The following LRRK2 variants were observed in gnomAD, a reference collection of about 807,000 sequenced individuals.
The protein encoded by LRRK2 is leucine-rich repeat serine/threonine-protein kinase 2.
Under a neutral mutation model 302.6 loss-of-function variants are expected in LRRK2, and 203 were observed. The ratio of observed to expected loss-of-function variants is 0.67; its 90% CI spans 0.60 to 0.75. The LOEUF (loss-of-function observed/expected upper bound fraction) is 0.75, where lower values mean the gene tolerates loss of function less well. LRRK2 is among the 30% of genes least tolerant of loss of function. The probability of loss-of-function intolerance (pLI) is 0.00; values close to 1 mark genes in which losing one functional copy is unlikely to be tolerated. For missense variants in LRRK2, 2,830 were observed against 2,951.0 expected (o/e 0.96, Z 0.95); for synonymous variants, 1,066 against 1,031.9 (o/e 1.03, Z -0.63).
chr12:40,324,981 C>T (rs905257100), intron 38 of LRRK2, among the ~76,000 whole-genome samples: 4 of 152,148 alleles, frequency 2.6e-5, no homozygotes, highest in East Asian at 1.9e-4. Flanking sequence ...TATGTGGAAA[C>T]GTCATTTACA....
intron 39 of LRRK2, among the ~76,000 whole-genome samples, chr12:40,330,556 T>A (rs1945683732): frequency 6.6e-6 from 1 of 152,186 alleles, no homozygotes; most frequent in African/African-American, 2.4e-5. Context: ...TGTGAAAAAT[T>A]GTCTTCTGTG....
chr12:40,341,968 T>A (rs966273700), intron 41 of LRRK2, among the ~76,000 whole-genome samples: 4 of 152,218 alleles, frequency 2.6e-5, no homozygotes, highest in African/African-American at 9.6e-5. Flanking sequence ...TATTTCCACC[T>A]GGAAAAAGTG....
At chr12:40,303,843 T>C in intron 26 of LRRK2, 105 bp from the exon 27 acceptor site, 1 of 1,070,670 alleles carries the variant, frequency 9.3e-7, no homozygotes, top group East Asian at 2.5e-5. Flanking sequence ...ATGCTAGTTT[T>C]GACGTTACAC....
rs772637229 is a variant in LRRK2 at position 40,309,121 on chromosome 12, A to G, written c.4205A>G (p.Tyr1402Cys). ...CTTTATTTAGGTCGTGAGGAATTCT[A>G]TAGTACTCATCCCCATTTTATGACG... Reference protein sequence around the residue: ...VWDFAGREEFYSTHPHFMTQR... With the variant: ...VWDFAGREEFCSTHPHFMTQR... Residue 1402 changes from tyrosine to cysteine, a missense_variant, in exon 30 of 51, where the codon TAT (tyrosine) becomes TGT (cysteine). Coordinates refer to ENST00000298910, the MANE Select transcript of LRRK2 (RefSeq NM_198578.4). 6 of 1,613,820 alleles carry G rather than the reference A, an allele frequency of 3.7e-6. No homozygotes were observed. The highest frequency in any genetic ancestry group is 2.7e-5 in the African/African-American group (2 of 75,012).
At position 40,257,246 on chromosome 12, in the gene LRRK2, A is replaced by G; in HGVS notation, c.1289-2A>G. Reference sequence around the variant, plus strand: ...TATAAGTAACATTTTAAAAAATCTCAGTTAATTTCAGAAAAATACTGTTAT... The same window carrying G: ...TATAAGTAACATTTTAAAAAATCTCGGTTAATTTCAGAAAAATACTGTTAT... On this transcript the variant is annotated splice_acceptor_variant, in intron 11 of 50. Transcript: ENST00000298910. LOFTEE classifies it high-confidence loss of function. 1 of 1,544,450 alleles carries G rather than the reference A, an allele frequency of 6.5e-7. No individual in the cohort carries two copies. Among genetic ancestry groups the G allele is most frequent in the Non-Finnish European group, 8.9e-7 (1 of 1,117,528 alleles).
At chr12:40,289,938 A>G (rs1250061666) in intron 20 of LRRK2, among the ~76,000 whole-genome samples, 2 of 151,204 alleles carry the variant, frequency 1.3e-5, no homozygotes, top group Non-Finnish European at 3.0e-5. Context: ...TTCTTGTCCT[A>G]TTGCACTGGC....
intron 49 of LRRK2, 139 bp from the exon 50 acceptor site, chr12:40,366,867 G>C: frequency 1.6e-6 from 1 of 627,580 alleles, no homozygotes; most frequent in Admixed American, 2.8e-5. Flanking sequence ...CAATATAATT[G>C]AAGGGTCACC....
At position 40,322,351 on chromosome 12, in the gene LRRK2, A is replaced by G; in HGVS notation, c.5350A>G (p.Ile1784Val). ...CILLGQVVDH[I>V]DSLMEEWFPG... ...TCTTTTGGGCCAAGTTGTGGACCAC[A>G]TTGATTCTCTCATGGAAGAATGGTT... Residue 1784 changes from isoleucine (I) to valine (V), a missense_variant, in exon 37 of 51, where the codon ATT (isoleucine) becomes GTT (valine). Transcript: ENST00000298910. 2 of 1,613,686 alleles carry G rather than the reference A, an allele frequency of 1.2e-6. No individual in the cohort carries two copies. The highest frequency in any genetic ancestry group is 1.7e-6 in the Non-Finnish European group (2 of 1,179,680).
chr12:40,282,126 TCC>T lies in LRRK2; in HGVS notation c.2242-1746_2242-1745del, dbSNP rs1565709537. Reference sequence around the variant, plus strand: ...TCCCCTTCTCTTCCCTCCCCTCCCCTCCCCTCCCCTCCCCTCCCTTCTCCTTT... The same window carrying T: ...TCCCCTTCTCTTCCCTCCCCTCCCCTCCTCCCCTCCCCTCCCTTCTCCTTT... On this transcript the variant is annotated intron_variant, in intron 18 of 50. Coordinates refer to ENST00000298910, the MANE Select transcript of LRRK2 (RefSeq NM_198578.4). Among the ~76,000 whole-genome samples the T allele has an allele frequency of 4.4e-5, 3 of 68,898 alleles. No individual in the cohort carries two copies. In the East Asian group the frequency reaches 2.0e-3, roughly 45 times the overall value. 45.2% of individuals were successfully genotyped at this position (68,898 alleles called of 152,430 possible).
chr12:40,291,004 A>G lies in LRRK2; in HGVS notation c.2690-2541A>G, dbSNP rs1345669360. Among the ~76,000 whole-genome samples, 4 of 152,074 alleles carry G rather than the reference A, an allele frequency of 2.6e-5. No homozygotes were observed. In the South Asian group the frequency reaches 6.2e-4, roughly 24 times the overall value. On this transcript the variant is annotated intron_variant, in intron 20 of 50. Coordinates refer to ENST00000298910, the MANE Select transcript of LRRK2 (RefSeq NM_198578.4). Reference sequence around the variant, plus strand: ...CAATATTTTGATGTGTCCTCTTTCTATTCATTTAAAAAAATTTAATTTCCC... The same window carrying G: ...CAATATTTTGATGTGTCCTCTTTCTGTTCATTTAAAAAAATTTAATTTCCC...
chr12:40,257,415 A>G (rs1403827063), intron 12 of LRRK2, 38 bp downstream of exon 12: 6 of 1,590,832 alleles, frequency 3.8e-6, no homozygotes, highest in East Asian at 2.2e-5. Context: ...AATATATCAT[A>G]TTGGGCCAGG....
intron 33 of LRRK2, among the ~76,000 whole-genome samples, chr12:40,318,335 C>A (rs1362895246): frequency 6.6e-6 from 1 of 151,910 alleles, no homozygotes; most frequent in Non-Finnish European, 1.5e-5. Context: ...CGCTATAGAT[C>A]CACTAGGAAA....
chr12:40,274,954 C>T lies in LRRK2; in HGVS notation c.1902C>T (p.Ser634=), dbSNP rs1555180162. 5 of 1,613,972 alleles carry T rather than the reference C, an allele frequency of 3.1e-6. No homozygotes were observed. Among genetic ancestry groups the T allele is most frequent in the Non-Finnish European group, 3.4e-6 (4 of 1,179,930 alleles). The change falls in exon 16 of 51, where the codon AGC becomes AGT. Residue 634 remains serine (S), a synonymous_variant. Transcript: ENST00000298910. ...GHLLAKILVS[S]LYRFKDVAEI... is the part of the protein sequence containing the mutation. ...TGCTGGCAAAAATTCTGGTTTCCAG[C>T]TTATACCGATTTAAGGATGTTGCTG...
Position 40,304,136 on chromosome 12 carries a change from T to C in LRRK2, c.3777+2T>C. 1 of 1,611,652 alleles carries C rather than the reference T, an allele frequency of 6.2e-7. No homozygotes were observed. The highest frequency in any genetic ancestry group is 1.1e-5 in the South Asian group (1 of 90,866). ...CTTTCTCACAATAAACTGAAAGAGG[T>C]AAGACGATTATTGCCACTTAAAAAA... On this transcript the variant is annotated splice_donor_variant, in intron 27 of 50. Transcript: ENST00000298910. LOFTEE classifies it high-confidence loss of function.
intron 41 of LRRK2, among the ~76,000 whole-genome samples, chr12:40,341,126 A>G (rs1022274482): frequency 6.6e-6 from 1 of 152,160 alleles, no homozygotes; most frequent in African/African-American, 2.4e-5. Flanking sequence ...CTGTACAGAC[A>G]TGTTGTCTCA....
chr12:40,346,967 T>C (rs1401729824), intron 42 of LRRK2, 44 bp downstream of exon 42: 1 of 1,492,604 alleles, frequency 6.7e-7, no homozygotes, highest in Non-Finnish European at 9.2e-7. Flanking sequence ...TTTCTTAATA[T>C]CAGCAGCTTC....
chr12:40,284,071 T>C lies in LRRK2; in HGVS notation c.2438T>C (p.Val813Ala). The C allele has an allele frequency of 6.2e-7, 1 of 1,613,496 alleles. No homozygotes were observed. ...CTTGGAGGATTTTGTATAGGAAAAGTTGAACCTTCTTGGCTTGGTCCTTTA... is the reference window on the plus strand; with the variant it reads ...CTTGGAGGATTTTGTATAGGAAAAGCTGAACCTTCTTGGCTTGGTCCTTTA... ...ICLGGFCIGK[V>A]EPSWLGPLFP... The change falls in exon 19 of 51, where the codon GTT becomes GCT. Residue 813 changes from valine (V) to alanine (A), a missense_variant. Physicochemically the swap from Val to Ala is moderately conservative, Grantham distance 64 (BLOSUM62 0). This residue lies in a region of LRRK2 where 2,121 missense variants were observed against 2,148.0 expected (regional missense o/e 0.99). Transcript: ENST00000298910.
chr12:40,317,126 T>G (rs997843826), intron 33 of LRRK2, among the ~76,000 whole-genome samples: 2 of 152,080 alleles, frequency 1.3e-5, no homozygotes, highest in Non-Finnish European at 2.9e-5. Flanking sequence ...GTGGAGTAAT[T>G]AAGTTGAAAC....
Position 40,293,532 on chromosome 12 carries a change from A to C in LRRK2, c.2690-13A>C. On this transcript the variant is annotated splice_polypyrimidine_tract_variant and intron_variant, in intron 20 of 50. Transcript: ENST00000298910. ...GTATTCACCTTCATGTTATTTTATC[A>C]TTTTCAAAATAGGAAGTGAAGGCTC... 6.6e-7 allele frequency: 1 copy of C among 1,507,582 alleles called. No individual in the cohort carries two copies. The highest frequency in any genetic ancestry group is 9.2e-7 in the Non-Finnish European group (1 of 1,086,830). The allele number at this position is 1,507,582 out of a possible 1,614,324, so 93.4% of individuals were successfully genotyped here. A position where few individuals can be genotyped will look rare whatever the true frequency, so the allele number is the denominator to read the frequency against.
Sources: allele counts gnomAD v4.1 joint callset (sites outside exome capture counted in the v4.1 genomes callset), GRCh38; gene constraint gnomAD v4.1.1; regional missense constraint gnomAD v4.1.1; transcripts MANE v1.5; gene names NCBI Gene and HGNC (gene_info 2026-07-23, HGNC 2026-07-21).